Variants in ANKS1B observed in about 807,000 individuals in gnomAD.
ANKS1B encodes ankyrin repeat and sterile alpha motif domain containing 1B, also known as ankyrin repeat and sterile alpha motif domain-containing protein 1B.
In ANKS1B, 36 loss-of-function variants were observed where a neutral mutation model predicts 148.3. The observed-to-expected ratio is 0.24, with a 90% CI of 0.19 to 0.32. The LOEUF is 0.32. Among genes scored for constraint, ANKS1B ranks in the 10% least tolerant of loss-of-function variants. ANKS1B has a pLI of 1.00. For missense variants in ANKS1B, 1,157 were observed against 1,542.6 expected, an observed-to-expected ratio of 0.75 and a Z score of 4.19; for synonymous variants, 542 against 560.8, an observed-to-expected ratio of 0.97 and a Z score of 0.47.
rs533251373 is a variant in ANKS1B at position 99,701,469 on chromosome 12, G to A, written c.1129-46259C>T. On this transcript the variant is annotated intron_variant, in intron 8 of 26. Coordinates refer to ENST00000683438, the MANE Select transcript of ANKS1B (RefSeq NM_001352186.2). ...ATACTTTTATACAAGCATACAATGT[G>A]TAATAATCACATCAGGGTAAACGAG... Among the ~76,000 whole-genome samples, 18 of 152,114 alleles carry A rather than the reference G, an allele frequency of 1.2e-4. No homozygotes were observed. The South Asian group carries it at 3.1e-3, about 26-fold the overall frequency.
intron 14 of ANKS1B, among the ~76,000 whole-genome samples, chr12:99,166,037 CCG>C (rs2077158777): frequency 6.6e-6 from 1 of 151,754 alleles, no homozygotes; most frequent in South Asian, 2.1e-4. Context: ...ATAATCCTCT[CCG>C]CAGATGCAAG....
chr12:99,429,297 A>G (rs888178911), intron 11 of ANKS1B, among the ~76,000 whole-genome samples: 3 of 152,236 alleles, frequency 2.0e-5, no homozygotes, highest in Non-Finnish European at 4.4e-5. Flanking sequence ...ATAGGATGCA[A>G]TAAGAAAAAC....
chr12:99,235,870 G>C (rs2220690), intron 14 of ANKS1B, among the ~76,000 whole-genome samples: 70,864 of 152,020 alleles, frequency 0.47, 18,835 homozygotes, highest in African/African-American at 0.74. Context: ...ACTCCTACCA[G>C]GGTGTCACTT....
chr12:98,856,511 C>T (rs1461699690), intron 17 of ANKS1B, among the ~76,000 whole-genome samples: 1 of 152,204 alleles, frequency 6.6e-6, no homozygotes, highest in African/African-American at 2.4e-5. Flanking sequence ...TGATTATATG[C>T]ATGAAGACTG....
chr12:99,498,192 T>G lies in ANKS1B; in HGVS notation c.1438+6284A>C, dbSNP rs1021231466. Among the ~76,000 whole-genome samples the G allele has an allele frequency of 2.0e-5, 3 of 152,216 alleles. No homozygotes were observed. The East Asian group carries it at 5.8e-4, about 29-fold the overall frequency. On this transcript the variant is annotated intron_variant, in intron 10 of 26. Transcript: ENST00000683438. ...ATGAATCTTCCCGCTTTCAACTTCA[T>G]CTTTCTCCAATCTATACTCTATACT...
chr12:98,756,890 GCTA>G (rs1026246039), intron 25 of ANKS1B, among the ~76,000 whole-genome samples: 4 of 151,656 alleles, frequency 2.6e-5, no homozygotes, highest in African/African-American at 7.3e-5. Flanking sequence ...ACCACGCCTG[GCTA>G]CTTTTTTGTA....
intron 16 of ANKS1B, among the ~76,000 whole-genome samples, chr12:99,062,001 A>G (rs112501923): frequency 5.9e-5 from 9 of 152,344 alleles, no homozygotes; most frequent in African/African-American, 2.2e-4. Flanking sequence ...CAGGTAAAAG[A>G]GAAAAGAAAA....
chr12:99,916,589 T>C (rs1027606719), intron 1 of ANKS1B, among the ~76,000 whole-genome samples: 3 of 152,188 alleles, frequency 2.0e-5, no homozygotes, highest in Non-Finnish European at 4.4e-5. Context: ...AGAGCCATTA[T>C]AATAGAAAGG....
At chr12:99,563,434 G>T (rs2153205512) in intron 9 of ANKS1B, among the ~76,000 whole-genome samples, 1 of 152,218 alleles carries the variant, frequency 6.6e-6, no homozygotes, top group Non-Finnish European at 1.5e-5. Flanking sequence ...CTATATTGTT[G>T]TGTCTCAGGG....
At chr12:99,838,584 A>G (rs1361340735) in intron 1 of ANKS1B, among the ~76,000 whole-genome samples, 4 of 152,126 alleles carry the variant, frequency 2.6e-5, no homozygotes, top group Non-Finnish European at 2.9e-5. Flanking sequence ...CCCTTATTTC[A>G]TCTTTCAGCC....
At chr12:98,800,675 G>GAGAT (rs1555338103) in intron 21 of ANKS1B, among the ~76,000 whole-genome samples, 2 of 99,680 alleles carry the variant, frequency 2.0e-5, no homozygotes, top group Non-Finnish European at 2.2e-5. Flanking sequence ...AGTGAGCAGA[G>GAGAT]ATATATATAT....
intron 1 of ANKS1B, among the ~76,000 whole-genome samples, chr12:99,965,598 C>T (rs1425927600): frequency 6.6e-6 from 1 of 152,162 alleles, no homozygotes; most frequent in Non-Finnish European, 1.5e-5. Context: ...ATGAAAAGAA[C>T]AGAGCATCCC....
intron 12 of ANKS1B, among the ~76,000 whole-genome samples, chr12:99,259,220 G>C (rs1359154911): frequency 6.6e-6 from 1 of 152,226 alleles, no homozygotes; most frequent in East Asian, 1.9e-4. Context: ...AAACCACCCA[G>C]TGGGCCTCTT....
At chr12:99,224,828 A>C (rs1186610230) in intron 14 of ANKS1B, among the ~76,000 whole-genome samples, 1 of 152,180 alleles carries the variant, frequency 6.6e-6, no homozygotes, top group Non-Finnish European at 1.5e-5. Context: ...CCTTTAACTT[A>C]AACTTTCTGA....
intron 17 of ANKS1B, among the ~76,000 whole-genome samples, chr12:98,940,584 G>C (rs1006994706): frequency 6.6e-6 from 1 of 152,040 alleles, no homozygotes; most frequent in Non-Finnish European, 1.5e-5. Context: ...TGAATTACTT[G>C]TGTAAATATT....
rs147114293 is a variant in ANKS1B at position 99,292,857 on chromosome 12, G to A, written c.1757-45993C>T. 4.6e-3 allele frequency among the ~76,000 whole-genome samples: 706 copies of A among 152,292 alleles called. 5 individuals are homozygous for A. The highest frequency in any genetic ancestry group is 0.016 in the African/African-American group (669 of 41,560). On this transcript the variant is annotated intron_variant, in intron 12 of 26. Transcript: ENST00000683438. Reference sequence around the variant, plus strand: ...ATTAAAAAGTCAGGAAACAACAGATGCTGGAGAGGATGTGGAGAAATAGGA... The same window carrying A: ...ATTAAAAAGTCAGGAAACAACAGATACTGGAGAGGATGTGGAGAAATAGGA...
At chr12:98,990,117 T>A (rs1027636896) in intron 17 of ANKS1B, among the ~76,000 whole-genome samples, 1 of 152,194 alleles carries the variant, frequency 6.6e-6, no homozygotes, top group African/African-American at 2.4e-5. Flanking sequence ...AATGTGGACA[T>A]TTTAACAATA....
At chr12:99,308,409 C>T (rs114306407) in intron 12 of ANKS1B, among the ~76,000 whole-genome samples, 2,354 of 152,044 alleles carry the variant, frequency 0.015, 78 homozygotes, top group African/African-American at 0.054. Flanking sequence ...TTTGATTACA[C>T]GAATAGGGGC....
chr12:99,204,358 G>A (rs2082389562), intron 14 of ANKS1B, among the ~76,000 whole-genome samples: 1 of 152,188 alleles, frequency 6.6e-6, no homozygotes, highest in Admixed American at 6.5e-5. Flanking sequence ...AACAAAACCT[G>A]TGGGAAACCA....
Sources: gnomAD v4.1 joint callset for allele counts (sites outside exome capture counted in the v4.1 genomes callset) on GRCh38, gnomAD v4.1.1 for gene constraint, MANE v1.5 for transcripts, NCBI Gene and HGNC (gene_info 2026-07-23, HGNC 2026-07-21) for gene names.